The following MEIS1 variants were observed in gnomAD, a reference collection of about 807,000 sequenced individuals.
MEIS1 encodes the protein Meis homeobox 1.
A neutral mutation model predicts 50.8 loss-of-function variants in MEIS1; 5 were observed. The observed-to-expected ratio is 0.10, with a 90% confidence interval of 0.05 to 0.21. The LOEUF is 0.21. Among genes scored for constraint, MEIS1 ranks in the 10% least tolerant of loss-of-function variants. The pLI is 1.00. For synonymous variants in MEIS1, 176 were observed against 179.3 expected, an observed-to-expected ratio of 0.98 and a Z score of 0.15; for missense variants, 318 against 517.3, an observed-to-expected ratio of 0.61 and a Z score of 3.74.
intron 9 of MEIS1, among the ~76,000 whole-genome samples, chr2:66,553,615 A>G (rs1007097827): frequency 3.8e-4 from 58 of 152,268 alleles, no homozygotes; most frequent in African/African-American, 1.3e-3. Context: ...CGCAGGGAAA[A>G]GAGCTGTGAA....
chr2:66,482,054 G>A (rs970888593), intron 7 of MEIS1, among the ~76,000 whole-genome samples: 1 of 151,802 alleles, frequency 6.6e-6, no homozygotes, highest in Admixed American at 6.6e-5. Flanking sequence ...TAGAGACGGG[G>A]TTTCACCATG....
chr2:66,541,884 C>T (rs1447339321), intron 8 of MEIS1, among the ~76,000 whole-genome samples: 3 of 152,210 alleles, frequency 2.0e-5, no homozygotes, highest in Non-Finnish European at 4.4e-5. Context: ...CACAAAGTGT[C>T]TCTTTGATAA....
chr2:66,559,808 A>G (rs1157619714), intron 9 of MEIS1, among the ~76,000 whole-genome samples: 2 of 152,114 alleles, frequency 1.3e-5, no homozygotes, highest in African/African-American at 2.4e-5. Flanking sequence ...TTACTTAAAT[A>G]TAAATATAAA....
chr2:66,474,627 A>C (rs1158055355), intron 7 of MEIS1, among the ~76,000 whole-genome samples: 1 of 152,208 alleles, frequency 6.6e-6, no homozygotes, highest in Non-Finnish European at 1.5e-5. Flanking sequence ...CCAGAAATGT[A>C]GTTGGTAAAG....
chr2:66,521,360 A>AT (rs55819820), intron 8 of MEIS1, among the ~76,000 whole-genome samples: 56,120 of 149,362 alleles, frequency 0.38, 10,918 homozygotes, highest in East Asian at 0.57. Context: ...CTCCTTGAAG[A>AT]TTTTTTTTTT....
chr2:66,490,270 G>T (rs1305981787), intron 7 of MEIS1, among the ~76,000 whole-genome samples: 1 of 152,202 alleles, frequency 6.6e-6, no homozygotes, highest in Non-Finnish European at 1.5e-5. Context: ...CGCATTTGCA[G>T]ATGGAAACAG....
intron 9 of MEIS1, among the ~76,000 whole-genome samples, chr2:66,558,650 T>C (rs150894724): frequency 1.3e-5 from 2 of 152,312 alleles, no homozygotes; most frequent in African/African-American, 4.8e-5. Flanking sequence ...CATTGTGCCA[T>C]TCTATAGCCT....
At chr2:66,451,419 C>T (rs936171392) in intron 6 of MEIS1, among the ~76,000 whole-genome samples, 3 of 151,970 alleles carry the variant, frequency 2.0e-5, no homozygotes, top group African/African-American at 7.2e-5. Context: ...TTGACACAGC[C>T]GTCAAAAGGA....
At chr2:66,481,824 C>G (rs555696987) in intron 7 of MEIS1, among the ~76,000 whole-genome samples, 11 of 147,072 alleles carry the variant, frequency 7.5e-5, no homozygotes, top group African/African-American at 2.5e-4. Flanking sequence ...GGATCAGAGA[C>G]TTGTGGCTCT....
At chr2:66,460,642 T>C (rs1346583862) in intron 6 of MEIS1, among the ~76,000 whole-genome samples, 1 of 152,186 alleles carries the variant, frequency 6.6e-6, no homozygotes, top group Non-Finnish European at 1.5e-5. Context: ...ATAGAAATAG[T>C]GTCTGGAGGA....
At chr2:66,539,434 G>A (rs1343420739) in intron 8 of MEIS1, among the ~76,000 whole-genome samples, 1 of 152,082 alleles carries the variant, frequency 6.6e-6, no homozygotes, top group Non-Finnish European at 1.5e-5. Flanking sequence ...GGAGTCAGTG[G>A]GATTTCTTCA....
At chr2:66,536,369 A>T (rs1674517728) in intron 8 of MEIS1, among the ~76,000 whole-genome samples, 1 of 152,206 alleles carries the variant, frequency 6.6e-6, no homozygotes, top group Non-Finnish European at 1.5e-5. Context: ...GCATTTTAAG[A>T]GACAGGAAAC....
At chr2:66,473,591 C>A (rs930183398) in intron 7 of MEIS1, among the ~76,000 whole-genome samples, 1 of 151,686 alleles carries the variant, frequency 6.6e-6, no homozygotes, top group Non-Finnish European at 1.5e-5. Flanking sequence ...ACAGGTCCTG[C>A]TAATAGTTCT....
chr2:66,517,016 C>T (rs1277051900), intron 8 of MEIS1, among the ~76,000 whole-genome samples: 3 of 152,156 alleles, frequency 2.0e-5, no homozygotes, highest in Admixed American at 2.0e-4. Context: ...GGCACATGGG[C>T]AGGTAGTAGA....
chr2:66,543,531 T>A (rs539018965), intron 8 of MEIS1, among the ~76,000 whole-genome samples: 2 of 152,260 alleles, frequency 1.3e-5, no homozygotes, highest in Admixed American at 1.3e-4. Context: ...CTAATACACA[T>A]GTGCAGGTTT....
At position 66,490,609 on chromosome 2, in the gene MEIS1, T is replaced by C. The variant is rs568917269; in HGVS notation, c.743-21540T>C. On this transcript the variant is annotated intron_variant, in intron 7 of 12. Transcript: ENST00000272369. ...GGAGACCTTTCTTTTTTTCTTTCTT[T>C]CAATGATTCAAGCCATGCATAGGTT... Among the ~76,000 whole-genome samples the C allele has an allele frequency of 3.3e-5, 5 of 152,256 alleles. No homozygotes were observed. The East Asian group carries it at 7.7e-4, about 24-fold the overall frequency.
chr2:66,552,941 T>G (rs1030025528), intron 9 of MEIS1, among the ~76,000 whole-genome samples: 1 of 152,174 alleles, frequency 6.6e-6, no homozygotes, highest in Admixed American at 6.6e-5. Context: ...CAACATAATT[T>G]AATAATACAT....
intron 6 of MEIS1, among the ~76,000 whole-genome samples, chr2:66,444,263 G>A (rs1206248109): frequency 1.3e-5 from 2 of 151,928 alleles, no homozygotes; most frequent in Admixed American, 6.6e-5. Flanking sequence ...AGATCAGCCT[G>A]CCTTTGTTAA....
chr2:66,445,471 A>G (rs1672109713), intron 6 of MEIS1, among the ~76,000 whole-genome samples: 1 of 152,038 alleles, frequency 6.6e-6, no homozygotes, highest in Non-Finnish European at 1.5e-5. Context: ...GGGGCGCTGA[A>G]CCCCTAGTGC....
Sources: gnomAD v4.1 joint callset for allele counts (sites outside exome capture counted in the v4.1 genomes callset) on GRCh38, gnomAD v4.1.1 for gene constraint, MANE v1.5 for transcripts, NCBI Gene and HGNC (gene_info 2026-07-23, HGNC 2026-07-21) for gene names.